CNTNAP2: variants seen among roughly 807,000 people sequenced by gnomAD.
CNTNAP2 encodes the protein contactin associated protein 2.
A neutral mutation model predicts 155.2 loss-of-function variants in CNTNAP2; 98 were observed. The ratio of observed to expected loss-of-function variants is 0.63; its 90% confidence interval spans 0.54 to 0.75. The LOEUF is 0.75. Among genes scored for constraint, CNTNAP2 ranks in the 30% least tolerant of loss-of-function variants. The pLI, the probability that CNTNAP2 is intolerant of heterozygous loss-of-function variation, is 0.00. For synonymous variants in CNTNAP2, 651 were observed against 631.2 expected, an observed-to-expected ratio of 1.03 and a Z score of -0.47; for missense variants, 1,727 against 1,688.1, an observed-to-expected ratio of 1.02 and a Z score of -0.40.
At chr7:146,163,752 G>A (rs561457239) in intron 1 of CNTNAP2, among the ~76,000 whole-genome samples, 131 of 151,586 alleles carry the variant, frequency 8.6e-4, no homozygotes, top group Admixed American at 1.7e-3. Context: ...AAAAGAAAAA[G>A]AAAGGTTGTT....
intron 11 of CNTNAP2, among the ~76,000 whole-genome samples, chr7:147,516,848 CTT>C (rs1221666617): frequency 2.7e-4 from 30 of 112,584 alleles, no homozygotes; most frequent in Admixed American, 4.5e-4. Context: ...TCTTTCTTTT[CTT>C]TTTTTTTTTT....
intron 3 of CNTNAP2, among the ~76,000 whole-genome samples, chr7:146,879,884 G>A (rs948987477): frequency 1.3e-5 from 2 of 152,064 alleles, no homozygotes; most frequent in Admixed American, 6.6e-5. Flanking sequence ...GTTCCACGTG[G>A]CTGGGGAGGC....
At chr7:147,156,263 G>T (rs1801925158) in intron 8 of CNTNAP2, among the ~76,000 whole-genome samples, 1 of 152,126 alleles carries the variant, frequency 6.6e-6, no homozygotes, top group Non-Finnish European at 1.5e-5. Flanking sequence ...TTAAAACTCT[G>T]TTGAATTGCC....
At chr7:146,645,232 T>G (rs1563170184) in intron 1 of CNTNAP2, among the ~76,000 whole-genome samples, 1 of 152,286 alleles carries the variant, frequency 6.6e-6, no homozygotes, top group Non-Finnish European at 1.5e-5. Context: ...AATGAATGAA[T>G]GTGTGTATCA....
At chr7:146,613,302 A>G (rs1289737836) in intron 1 of CNTNAP2, among the ~76,000 whole-genome samples, 1 of 152,214 alleles carries the variant, frequency 6.6e-6, no homozygotes, top group Non-Finnish European at 1.5e-5. Context: ...ACAATCTATA[A>G]GAATGAAGCT....
intron 15 of CNTNAP2, among the ~76,000 whole-genome samples, chr7:148,065,681 T>C (rs895915614): frequency 1.3e-5 from 2 of 152,208 alleles, no homozygotes; most frequent in African/African-American, 4.8e-5. Context: ...TGTGAGTCCT[T>C]ATGTTAGGTG....
chr7:147,327,265 C>T (rs936834855), intron 9 of CNTNAP2, among the ~76,000 whole-genome samples: 1 of 152,160 alleles, frequency 6.6e-6, no homozygotes, highest in Admixed American at 6.5e-5. Context: ...GCTGGCTCTA[C>T]CTTATGATGT....
chr7:146,388,271 A>G (rs1407009318), intron 1 of CNTNAP2, among the ~76,000 whole-genome samples: 3 of 151,832 alleles, frequency 2.0e-5, no homozygotes, highest in Admixed American at 2.0e-4. Context: ...TTTCTACAAA[A>G]AGAAATGCAA....
At chr7:147,088,565 A>G (rs982833852) in intron 4 of CNTNAP2, among the ~76,000 whole-genome samples, 1 of 152,198 alleles carries the variant, frequency 6.6e-6, no homozygotes, top group African/African-American at 2.4e-5. Context: ...AGATTCTAAA[A>G]TATTATGTCA....
At chr7:147,515,916 G>C (rs939341056) in intron 11 of CNTNAP2, among the ~76,000 whole-genome samples, 1 of 152,154 alleles carries the variant, frequency 6.6e-6, no homozygotes, top group Non-Finnish European at 1.5e-5. Flanking sequence ...GGAAAATATT[G>C]AGTGCTTACA....
chr7:147,545,289 A>G (rs1799710584), intron 11 of CNTNAP2, among the ~76,000 whole-genome samples: 1 of 152,118 alleles, frequency 6.6e-6, no homozygotes, highest in Non-Finnish European at 1.5e-5. Context: ...AACTTTAGTG[A>G]TGTTTACTTT....
At chr7:148,042,157 G>A (rs61428821) in intron 15 of CNTNAP2, among the ~76,000 whole-genome samples, 31 of 152,156 alleles carry the variant, frequency 2.0e-4, no homozygotes, top group African/African-American at 6.0e-4. Context: ...CCAAATTGAC[G>A]ATCTTAACCA....
chr7:146,801,922 C>G (rs1802885902), intron 2 of CNTNAP2, among the ~76,000 whole-genome samples: 1 of 152,134 alleles, frequency 6.6e-6, no homozygotes, highest in African/African-American at 2.4e-5. Context: ...TGGAGCAAGA[C>G]AGATATGAAT....
chr7:146,744,768 A>G (rs1364515585), intron 1 of CNTNAP2, among the ~76,000 whole-genome samples: 3 of 152,162 alleles, frequency 2.0e-5, no homozygotes, highest in African/African-American at 7.2e-5. Flanking sequence ...AGTGGGTGCA[A>G]TAGAACTGGA....
At chr7:148,127,078 G>A (rs1350314214) in intron 16 of CNTNAP2, among the ~76,000 whole-genome samples, 2 of 152,198 alleles carry the variant, frequency 1.3e-5, no homozygotes, top group Non-Finnish European at 2.9e-5. Context: ...GCCGAGGTGG[G>A]CAGATTGCTT....
chr7:147,223,110 C>CCGT (rs1803441714), intron 8 of CNTNAP2, among the ~76,000 whole-genome samples: 1 of 152,172 alleles, frequency 6.6e-6, no homozygotes, highest in Admixed American at 6.5e-5. Flanking sequence ...AGTGTGGGAC[C>CCGT]CGTCCTTTGA....
At chr7:148,412,907 A>T (rs556977911) in intron 23 of CNTNAP2, among the ~76,000 whole-genome samples, 1 of 152,292 alleles carries the variant, frequency 6.6e-6, no homozygotes, top group East Asian at 1.9e-4. Flanking sequence ...TGGGTATTGG[A>T]AGTTTTCCAA....
At chr7:147,492,416 A>C (rs1798625824) in intron 11 of CNTNAP2, among the ~76,000 whole-genome samples, 1 of 152,242 alleles carries the variant, frequency 6.6e-6, no homozygotes, top group African/African-American at 2.4e-5. Flanking sequence ...GAGTTATTCT[A>C]AAATAGATAC....
At chr7:148,390,609 G>A (rs961396830) in intron 22 of CNTNAP2, among the ~76,000 whole-genome samples, 6 of 152,102 alleles carry the variant, frequency 3.9e-5, no homozygotes, top group African/African-American at 1.4e-4. Flanking sequence ...GCAGGAACTT[G>A]GTGTTAGAAT....
Sources: allele counts gnomAD v4.1 joint callset (sites outside exome capture counted in the v4.1 genomes callset), GRCh38; gene constraint gnomAD v4.1.1; transcripts MANE v1.5; gene names NCBI Gene and HGNC (gene_info 2026-07-23, HGNC 2026-07-21).